PCDH7: variants seen among roughly 807,000 people sequenced by gnomAD.
PCDH7 encodes protocadherin-7.
A neutral mutation model predicts 58.9 loss-of-function variants in PCDH7; 17 were observed. The ratio of observed to expected loss-of-function variants is 0.29; its 90% CI spans 0.20 to 0.43. The LOEUF is 0.43. Ranked by LOEUF, PCDH7 falls within the 20% of genes least tolerant of loss-of-function variation. PCDH7 has a pLI of 1.00. For missense variants in PCDH7, 1,274 were observed against 1,441.0 expected (o/e 0.88, Z 1.88); for synonymous variants, 664 against 616.4 (o/e 1.08, Z -1.14).
intron 2 of PCDH7, among the ~76,000 whole-genome samples, chr4:30,942,911 T>C (rs61795881): frequency 6.9e-6 from 1 of 144,186 alleles, no homozygotes; most frequent in South Asian, 2.2e-4. Flanking sequence ...TTTTTTTTTT[T>C]CCTGACTATG....
intron 3 of PCDH7, among the ~76,000 whole-genome samples, chr4:31,134,503 T>A (rs1054811819): frequency 2.0e-5 from 3 of 152,144 alleles, no homozygotes; most frequent in Non-Finnish European, 2.9e-5. Flanking sequence ...GAATGTATTG[T>A]TGTTAGATCC....
exon 2 of PCDH7, chr4:30,730,986 G>A (rs558486607): frequency 4.2e-4 from 529 of 1,247,022 alleles, no homozygotes; most frequent in Non-Finnish European, 5.1e-4. Context: ...GTATGAAACA[G>A]TATTAATGCA....
chr4:30,863,533 G>T (rs1189015550), intron 1 of PCDH7, among the ~76,000 whole-genome samples: 1 of 152,088 alleles, frequency 6.6e-6, no homozygotes, highest in Non-Finnish European at 1.5e-5. Context: ...CTTTACGTAT[G>T]TCTAACCTCT....
chr4:30,835,831 GGGA>G (rs781341699), intron 1 of PCDH7, among the ~76,000 whole-genome samples: 6 of 152,116 alleles, frequency 3.9e-5, no homozygotes, highest in Non-Finnish European at 5.9e-5. Flanking sequence ...TTTTTAAAAT[GGGA>G]GGAGGAGGAG....
chr4:30,877,076 T>C (rs190159620), intron 1 of PCDH7, among the ~76,000 whole-genome samples: 11 of 152,102 alleles, frequency 7.2e-5, no homozygotes, highest in Non-Finnish European at 1.3e-4. Context: ...TTAGTAGTGA[T>C]TGAGAAGCAT....
chr4:31,118,451 G>C (rs772652913), intron 3 of PCDH7, among the ~76,000 whole-genome samples: 9 of 151,900 alleles, frequency 5.9e-5, no homozygotes, highest in African/African-American at 1.9e-4. Context: ...GTCATTTGGC[G>C]GTCTTTCCGT....
intron 3 of PCDH7, among the ~76,000 whole-genome samples, chr4:31,020,189 A>G (rs981319996): frequency 2.0e-5 from 3 of 152,222 alleles, no homozygotes; most frequent in African/African-American, 7.2e-5. Context: ...GGATCAACAT[A>G]AACAGTGGCA....
exon 2 of PCDH7, chr4:30,732,940 C>T (rs1715725401): frequency 6.6e-6 from 1 of 152,204 alleles, no homozygotes; most frequent in Non-Finnish European, 1.5e-5. Flanking sequence ...CATTCCTCTA[C>T]TATTCTTGTG....
chr4:30,769,735 T>C (rs1391926917), intron 1 of PCDH7, among the ~76,000 whole-genome samples: 2 of 152,240 alleles, frequency 1.3e-5, no homozygotes. Context: ...AGGACTTTTT[T>C]CACTTTATGT....
intron 3 of PCDH7, among the ~76,000 whole-genome samples, chr4:30,962,691 A>G (rs904807932): frequency 3.4e-5 from 5 of 148,790 alleles, no homozygotes; most frequent in African/African-American, 1.2e-4. Flanking sequence ...CTGAGGCAGG[A>G]AGATCACTTG....
At chr4:31,058,250 G>A (rs1757415085) in intron 3 of PCDH7, among the ~76,000 whole-genome samples, 2 of 151,910 alleles carry the variant, frequency 1.3e-5, no homozygotes, top group South Asian at 4.1e-4. Flanking sequence ...CAAGGAATTG[G>A]GTGATACCCA....
Position 30,722,019 on chromosome 4 carries a change from G to A in PCDH7, c.597G>A (p.Gly199=). The stretch of plus-strand genomic sequence containing the variant: ...GCGGCGGCGAGAGCCGGCGCGCCGG[G>A]GCGGCCGACAGCGCCCCCTACCCCG... Residue 199 remains glycine (G), a synonymous_variant, in exon 1 of 2, where the codon GGG becomes GGA. Coordinates refer to ENST00000361762, the Ensembl canonical transcript of PCDH7. The surrounding 1 kb of genome is among the most constrained non-coding windows in gnomAD (Gnocchi z 7.6). 7.9e-7 allele frequency: 1 copy of A among 1,260,250 alleles called. No individual in the cohort carries two copies. Among genetic ancestry groups the A allele is most frequent in the Non-Finnish European group, 9.9e-7 (1 of 1,006,066 alleles). The allele number at this position is 1,260,250 out of a possible 1,614,324, so 78.1% of individuals were successfully genotyped here.
At chr4:31,052,127 A>T (rs1756800960) in intron 3 of PCDH7, among the ~76,000 whole-genome samples, 1 of 151,956 alleles carries the variant, frequency 6.6e-6, no homozygotes, top group South Asian at 2.1e-4. Flanking sequence ...TGTCTGTTTT[A>T]TTTTGTTTAA....
chr4:30,767,356 TGATTAGA>T (rs1720886862), intron 1 of PCDH7, among the ~76,000 whole-genome samples: 1 of 152,136 alleles, frequency 6.6e-6, no homozygotes, highest in African/African-American at 2.4e-5. Flanking sequence ...AGAACACGGG[TGATTAGA>T]CCTTAGTTAG....
At chr4:31,031,201 G>GA (rs1754888276) in intron 3 of PCDH7, among the ~76,000 whole-genome samples, 1 of 152,170 alleles carries the variant, frequency 6.6e-6, no homozygotes, top group Non-Finnish European at 1.5e-5. Context: ...TCTCAATGAG[G>GA]AGAATTTTTG....
At chr4:31,035,150 A>G (rs1161857540) in intron 3 of PCDH7, among the ~76,000 whole-genome samples, 1 of 151,854 alleles carries the variant, frequency 6.6e-6, no homozygotes, top group South Asian at 2.1e-4. Flanking sequence ...TGGAGATGGC[A>G]TCTCTTCCAG....
At chr4:30,938,651 A>G (rs1323535768) in intron 2 of PCDH7, among the ~76,000 whole-genome samples, 3 of 152,184 alleles carry the variant, frequency 2.0e-5, no homozygotes, top group South Asian at 2.1e-4. Context: ...TGTTTCATAC[A>G]TTACAAACTT....
chr4:31,070,053 T>C (rs1043531437), intron 3 of PCDH7, among the ~76,000 whole-genome samples: 6 of 152,052 alleles, frequency 3.9e-5, no homozygotes, highest in African/African-American at 1.2e-4. Context: ...CTGTGAATGA[T>C]TGATCTACTC....
chr4:30,904,106 C>T (rs559057901), intron 1 of PCDH7, among the ~76,000 whole-genome samples: 2 of 152,284 alleles, frequency 1.3e-5, no homozygotes, highest in South Asian at 4.1e-4. Flanking sequence ...CCAAGCCCAA[C>T]TCTGTCACTT....
Sources: allele counts gnomAD v4.1 joint callset (sites outside exome capture counted in the v4.1 genomes callset), GRCh38; gene constraint gnomAD v4.1.1; non-coding constraint Gnocchi (gnomAD v3.1); transcripts MANE v1.5; gene names NCBI Gene and HGNC (gene_info 2026-07-23, HGNC 2026-07-21).